The following COA6 variants were observed in gnomAD, a reference collection of about 807,000 sequenced individuals.
COA6 encodes the protein cytochrome c oxidase assembly factor 6.
A neutral mutation model predicts 17.1 loss-of-function variants in COA6; 12 were observed. The observed-to-expected ratio is 0.70, with a 90% CI of 0.45 to 1.14. The LOEUF is 1.14. Among genes scored for constraint, COA6 ranks in the 50% most tolerant of loss-of-function variants. The pLI, the probability that COA6 is intolerant of heterozygous loss-of-function variation, is 0.00. For missense variants in COA6, 246 were observed against 196.5 expected (o/e 1.25, Z -1.51); for synonymous variants, 90 against 73.4 (o/e 1.23, Z -1.16).
At chr1:234,378,456 A>T (rs149386655) in intron 2 of COA6, among the ~76,000 whole-genome samples, 137 of 152,342 alleles carry the variant, frequency 9.0e-4, no homozygotes, top group Middle Eastern at 3.4e-3. Flanking sequence ...TTTAAGTAGG[A>T]TGGTCAAGAA....
intron 2 of COA6, among the ~76,000 whole-genome samples, chr1:234,381,736 AG>A (rs989433467): frequency 2.6e-5 from 4 of 152,200 alleles, no homozygotes; most frequent in Non-Finnish European, 2.9e-5. Context: ...GCAGTGAAGA[AG>A]GGAAAAGAGA....
chr1:234,374,887 C>T (rs895868146), intron 2 of COA6, among the ~76,000 whole-genome samples: 6 of 152,038 alleles, frequency 3.9e-5, no homozygotes, highest in African/African-American at 1.4e-4. Flanking sequence ...GCGCTGTATC[C>T]CCTGTCCTTA....
In COA6 at chr1:234,373,517, C is replaced by T. The variant is rs756459978; in HGVS notation, c.51C>T (p.Cys17=). The change falls in exon 1 of 3, where the codon TGC becomes TGT. Residue 17 remains cysteine (C), a synonymous_variant. Coordinates refer to ENST00000366615, the MANE Select transcript of COA6 (RefSeq NM_001206641.3). ...QKSPRFRRVS[C]FLRLGRSTLL... The stretch of plus-strand genomic sequence containing the variant: ...GTCCGCGGTTTCGCCGCGTGAGTTG[C>T]TTTTTGCGGCTGGGGAGGTCTACGC... 16 of 1,608,058 alleles carry T rather than the reference C, an allele frequency of 9.9e-6. No individual in the cohort carries two copies. Among genetic ancestry groups the T allele is most frequent in the Non-Finnish European group, 1.2e-5 (14 of 1,177,212 alleles).
intron 1 of COA6, 183 bp downstream of exon 1, chr1:234,373,861 A>T (rs776088822): frequency 1.1e-5 from 18 of 1,610,274 alleles, no homozygotes; most frequent in Admixed American, 3.3e-5. Context: ...TAACCCTGTA[A>T]ACTAGGCACT....
rs1658720835 is a variant in COA6 at position 234,374,300 on chromosome 1, T to TACTGGAAGTGTTTAGATGAGA, written c.287_307dup (p.Trp96_Asn102dup). The TACTGGAAGTGTTTAGATGAGA allele has an allele frequency of 6.2e-7, 1 of 1,614,018 alleles. No individual in the cohort carries two copies. The highest frequency in any genetic ancestry group is 8.5e-7 in the Non-Finnish European group (1 of 1,179,986). On this transcript the variant is annotated inframe_insertion, in exon 2 of 3. Coordinates refer to ENST00000366615, the MANE Select transcript of COA6 (RefSeq NM_001206641.3). ...GGTCTGCTGGGGGGCCCGGGATGAG[T>TACTGGAAGTGTTTAGATGAGA]ACTGGAAGTGTTTAGATGAGAACTT...
chr1:234,378,561 A>G (rs1572172557), intron 2 of COA6, among the ~76,000 whole-genome samples: 1 of 152,206 alleles, frequency 6.6e-6, no homozygotes, highest in East Asian at 1.9e-4. Flanking sequence ...CCAGGCAGAG[A>G]GAATGAAACA....
rs1659079130 is a variant in COA6, at chr1:234,384,737, A to G, written c.*919A>G. Among the ~76,000 whole-genome samples the G allele has an allele frequency of 6.6e-6, 1 of 152,232 alleles. No homozygotes were observed. Among genetic ancestry groups the G allele is most frequent in the Non-Finnish European group, 1.5e-5 (1 of 68,040 alleles). ...TCTGCATCCATGGATTCAACCCCGAAGAGAAAATTTTTGGGAAAAGGAAAA... is the reference window on the plus strand; with the variant it reads ...TCTGCATCCATGGATTCAACCCCGAGGAGAAAATTTTTGGGAAAAGGAAAA... On this transcript the variant is annotated 3_prime_UTR_variant, in exon 3 of 3. Transcript: ENST00000366615.
intron 2 of COA6, 49 bp downstream of exon 2, chr1:234,374,438 C>T (rs1285250762): frequency 6.3e-7 from 1 of 1,585,376 alleles, no homozygotes; most frequent in African/African-American, 1.4e-5. Flanking sequence ...ATACATCGAG[C>T]TTATACTGTG....
chr1:234,379,907 G>A (rs946706115), intron 2 of COA6, among the ~76,000 whole-genome samples: 1 of 152,184 alleles, frequency 6.6e-6, no homozygotes, highest in East Asian at 1.9e-4. Flanking sequence ...CGATTATGGG[G>A]ATTACAATTC....
In COA6 at chr1:234,373,566, C is replaced by T; in HGVS notation, c.100C>T (p.Arg34Ter). 11 of 1,612,022 alleles carry T rather than the reference C, an allele frequency of 6.8e-6. No individual in the cohort carries two copies. The highest frequency in any genetic ancestry group is 1.3e-5 in the African/African-American group (1 of 75,040). ...GCTTCTAGAGCTTGAGCCAGCGGGG[C>T]GACCCTGCAGTGGCAGGACTCGGCA... ...STLLELEPAGRPCSGRTRHRA... is the reference protein window; with the variant it reads ...STLLELEPAG The change falls in exon 1 of 3, where the codon CGA becomes TGA. Residue 34 changes from arginine (R) to a stop codon, truncating the protein, a stop_gained. Transcript: ENST00000366615. LOFTEE classifies it high-confidence loss of function.
At chr1:234,374,060 T>C (rs1572169678) in intron 1 of COA6, 170 bp from the exon 2 acceptor site, 2 of 869,788 alleles carry the variant, frequency 2.3e-6, no homozygotes, top group South Asian at 1.8e-5. Flanking sequence ...TGAGAACTGA[T>C]TGGGTTCAGT....
chr1:234,378,467 A>G (rs1658873051), intron 2 of COA6, among the ~76,000 whole-genome samples: 1 of 152,228 alleles, frequency 6.6e-6, no homozygotes, highest in Non-Finnish European at 1.5e-5. Flanking sequence ...TGGTCAAGAA[A>G]GGTTTTATTT....
chr1:234,381,492 C>T (rs561895908), intron 2 of COA6, among the ~76,000 whole-genome samples: 40 of 152,210 alleles, frequency 2.6e-4, no homozygotes, highest in African/African-American at 8.2e-4. Flanking sequence ...TGGACAGGGG[C>T]GCAGGGATGA....
At chr1:234,374,061 T>C in intron 1 of COA6, 169 bp from the exon 2 acceptor site, 1 of 876,130 alleles carries the variant, frequency 1.1e-6, no homozygotes, top group Non-Finnish European at 1.7e-6. Flanking sequence ...GAGAACTGAT[T>C]GGGTTCAGTT....
In COA6 at chr1:234,373,814, C is replaced by G; in HGVS notation, c.212+136C>G. On this transcript the variant is annotated intron_variant, in intron 1 of 2. Coordinates refer to ENST00000366615, the MANE Select transcript of COA6 (RefSeq NM_001206641.3). Reference sequence around the variant, plus strand: ...ATCGCCTGCTTGGTGATTGTGGCCCCCACACACCTGTTTCTACAGCGCTTA... The same window carrying G: ...ATCGCCTGCTTGGTGATTGTGGCCCGCACACACCTGTTTCTACAGCGCTTA... 3 of 1,613,648 alleles carry G rather than the reference C, an allele frequency of 1.9e-6. 1 individual carries two copies. The highest frequency in any genetic ancestry group is 1.1e-5 in the South Asian group (1 of 91,054).
rs60899682 is a variant in COA6, at chr1:234,377,133, T to TTTTTTTTGTTGTTGTTGTTG, written c.372+2746_372+2747insTTTTTGTTGTTGTTGTTGTT. 4.2e-4 allele frequency among the ~76,000 whole-genome samples: 29 copies of TTTTTTTTGTTGTTGTTGTTG among 69,566 alleles called. 8 individuals are homozygous for TTTTTTTTGTTGTTGTTGTTG. Among genetic ancestry groups the TTTTTTTTGTTGTTGTTGTTG allele is most frequent in the African/African-American group, 1.9e-3 (21 of 10,916 alleles). The allele number at this position is 69,566 out of a possible 152,430, so 45.6% of individuals were successfully genotyped here. A position where few individuals can be genotyped will look rare whatever the true frequency, so the allele number is the denominator to read the frequency against. Reference sequence around the variant, plus strand: ...CTCTGTCTCCTCTTTTTTTGTTTTTTTTGTTGTTGTTGAGACAGAGTCTCA... The same window carrying TTTTTTTTGTTGTTGTTGTTG: ...CTCTGTCTCCTCTTTTTTTGTTTTTTTTTTTTTGTTGTTGTTGTTGTTGTTGTTGTTGAGACAGAGTCTCA... On this transcript the variant is annotated intron_variant, in intron 2 of 2. Coordinates refer to ENST00000366615, the MANE Select transcript of COA6 (RefSeq NM_001206641.3).
At position 234,373,519 on chromosome 1, in the gene COA6, T is replaced by G. The variant is rs1224215972; in HGVS notation, c.53T>G (p.Phe18Cys). 2 of 1,608,386 alleles carry G rather than the reference T, an allele frequency of 1.2e-6. No homozygotes were observed. Among genetic ancestry groups the G allele is most frequent in the Non-Finnish European group, 1.7e-6 (2 of 1,177,394 alleles). The change falls in exon 1 of 3, where the codon TTT (phenylalanine) becomes TGT (cysteine). Residue 18 changes from phenylalanine (F) to cysteine (C), a missense_variant. By Grantham distance (205) the Phe-to-Cys change is radical. Coordinates refer to ENST00000366615, the MANE Select transcript of COA6 (RefSeq NM_001206641.3). ...KSPRFRRVSC[F>C]LRLGRSTLLE... The stretch of plus-strand genomic sequence containing the variant: ...CCGCGGTTTCGCCGCGTGAGTTGCT[T>G]TTTGCGGCTGGGGAGGTCTACGCTT...
In COA6 at chr1:234,374,213, A is replaced by G. The variant is rs1426455761; in HGVS notation, c.213-17A>G. Reference sequence around the variant, plus strand: ...ACAAAGTTCATTGTTAATCTCAAATATTATTTTGGCCAACAGCTTCATCGC... The same window carrying G: ...ACAAAGTTCATTGTTAATCTCAAATGTTATTTTGGCCAACAGCTTCATCGC... On this transcript the variant is annotated splice_polypyrimidine_tract_variant and intron_variant, in intron 1 of 2. Transcript: ENST00000366615. The G allele has an allele frequency of 1.3e-6, 2 of 1,598,964 alleles. No individual in the cohort carries two copies. The highest frequency in any genetic ancestry group is 1.8e-5 in the Admixed American group (1 of 55,940).
At position 234,384,437 on chromosome 1, in the gene COA6, C is replaced by A. The variant is rs1403516457; in HGVS notation, c.*619C>A. On this transcript the variant is annotated 3_prime_UTR_variant, in exon 3 of 3. Transcript: ENST00000366615. ...ATCTTATAGAATGTACCAATGGATG[C>A]ACAAAAAGAGCTCCTAGAACTATAA... is the stretch of plus-strand genomic sequence containing the variant. 6.6e-6 allele frequency among the ~76,000 whole-genome samples: 1 copy of A among 152,018 alleles called. No individual in the cohort carries two copies. The highest frequency in any genetic ancestry group is 2.4e-5 in the African/African-American group (1 of 41,376).
Sources: allele counts gnomAD v4.1 joint callset (sites outside exome capture counted in the v4.1 genomes callset), GRCh38; gene constraint gnomAD v4.1.1; transcripts MANE v1.5; gene names NCBI Gene and HGNC (gene_info 2026-07-23, HGNC 2026-07-21).